PRDM10: variants seen among roughly 807,000 people sequenced by gnomAD.
PRDM10 encodes PR/SET domain 10.
A neutral mutation model predicts 133.1 loss-of-function variants in PRDM10; 65 were observed. The ratio of observed to expected loss-of-function variants is 0.49; its 90% CI spans 0.40 to 0.60. The LOEUF (loss-of-function observed/expected upper bound fraction) is 0.60, where lower values mean the gene tolerates loss of function less well. Ranked by LOEUF, PRDM10 falls within the 20% of genes least tolerant of loss-of-function variation. The pLI is 0.00. For missense variants in PRDM10, 1,137 were observed against 1,507.1 expected (o/e 0.75, Z 4.07); for synonymous variants, 582 against 580.4 (o/e 1.00, Z -0.04).
chr11:129,947,794 C>T lies in PRDM10; in HGVS notation c.295-424G>A, dbSNP rs1203103442. Among the ~76,000 whole-genome samples the T allele has an allele frequency of 1.3e-5, 2 of 152,136 alleles. No homozygotes were observed. Among genetic ancestry groups the T allele is most frequent in the Non-Finnish European group, 2.9e-5 (2 of 68,044 alleles). ...GAGAGGCCTGCCCTGTCTCCCAAGA[C>T]TTCAAATAGGTAAGCAACAGACCGT... On this transcript the variant is annotated intron_variant, in intron 4 of 20. Transcript: ENST00000360871. This position sits in a 1 kb window ranked among gnomAD's most constrained non-coding sequence, Gnocchi z 4.6.
intron 20 of PRDM10, among the ~76,000 whole-genome samples, chr11:129,903,788 C>T (rs534858220): frequency 7.0e-4 from 107 of 152,154 alleles, no homozygotes; most frequent in African/African-American, 2.5e-3. Flanking sequence ...GGTTTTTCCA[C>T]GTGGGGAGGG....
At chr11:129,912,578 C>A (rs371792147) in intron 17 of PRDM10, among the ~76,000 whole-genome samples, 170 of 151,792 alleles carry the variant, frequency 1.1e-3, no homozygotes, top group African/African-American at 3.5e-3. Flanking sequence ...GGTGAAACCC[C>A]GTCTCTACTG....
At chr11:129,998,047 T>C (rs756887184) in intron 1 of PRDM10, among the ~76,000 whole-genome samples, 10 of 152,248 alleles carry the variant, frequency 6.6e-5, no homozygotes, top group African/African-American at 9.6e-5. Context: ...TAATTTAAAA[T>C]GTTCTAGTAT....
chr11:129,899,719 CACAT>C lies in PRDM10; in HGVS notation c.*2590_*2593del, dbSNP rs562152879. ...AAAAAAAATAGCTCTTGTAGCTTCA[CACAT>C]ACAAACATGTTTATTAAAAAATATA... On this transcript the variant is annotated 3_prime_UTR_variant, in exon 21 of 21. Coordinates refer to ENST00000360871, the MANE Select transcript of PRDM10 (RefSeq NM_199437.2). The C allele has an allele frequency of 3.3e-5, 5 of 152,578 alleles. No individual in the cohort carries two copies. In the South Asian group the frequency reaches 1.0e-3, roughly 32 times the overall value. 9.5% of individuals were successfully genotyped at this position (152,578 alleles called of 1,614,324 possible). A position where few individuals can be genotyped will look rare whatever the true frequency, so the allele number is the denominator to read the frequency against.
intron 9 of PRDM10, among the ~76,000 whole-genome samples, chr11:129,933,850 C>T (rs1044796996): frequency 2.0e-5 from 3 of 152,180 alleles, no homozygotes; most frequent in Admixed American, 2.0e-4. Flanking sequence ...GACCCTGTCA[C>T]CCTTGTAAGC....
At chr11:129,991,215 G>A (rs1283454347) in intron 1 of PRDM10, among the ~76,000 whole-genome samples, 1 of 152,152 alleles carries the variant, frequency 6.6e-6, no homozygotes, top group Middle Eastern at 3.2e-3. Flanking sequence ...TCATGAAGGT[G>A]TCTCATCCAG....
At chr11:129,949,762 C>T (rs375286299) in intron 4 of PRDM10, among the ~76,000 whole-genome samples, 1 of 151,964 alleles carries the variant, frequency 6.6e-6, no homozygotes, top group African/African-American at 2.4e-5. Flanking sequence ...GAAACCCTGT[C>T]TCTACTAAAA....
chr11:129,961,908 G>A (rs1023435764), intron 1 of PRDM10, among the ~76,000 whole-genome samples: 2 of 152,072 alleles, frequency 1.3e-5, no homozygotes, highest in Non-Finnish European at 2.9e-5. Flanking sequence ...TAGTTGTCGT[G>A]AGGAGAATGA....
intron 4 of PRDM10, among the ~76,000 whole-genome samples, chr11:129,953,966 C>T (rs1008769186): frequency 1.4e-5 from 2 of 147,162 alleles, no homozygotes; most frequent in African/African-American, 2.5e-5. Flanking sequence ...TAAGTATTTA[C>T]AGAAATGAGG....
intron 1 of PRDM10, among the ~76,000 whole-genome samples, chr11:129,982,452 C>T (rs1392290940): frequency 2.0e-5 from 3 of 151,774 alleles, no homozygotes; most frequent in East Asian, 2.0e-4. Flanking sequence ...TTAGTAGAGA[C>T]GAGGTTTCGC....
Position 129,969,901 on chromosome 11 carries a change from C to CTT in PRDM10, c.-118-8821_-118-8820dup, listed in dbSNP as rs369933763. 3.4e-3 allele frequency among the ~76,000 whole-genome samples: 513 copies of CTT among 152,232 alleles called. 2 individuals carry two copies. The highest frequency in any genetic ancestry group is 0.012 in the African/African-American group (479 of 41,530). On this transcript the variant is annotated intron_variant, in intron 1 of 20. Coordinates refer to ENST00000360871, the MANE Select transcript of PRDM10 (RefSeq NM_199437.2). Reference sequence around the variant, plus strand: ...AGAAAACACACCTTCTAAACTCATACTTAAGATTAGATTCTACCTGGTAAC... The same window carrying CTT: ...AGAAAACACACCTTCTAAACTCATACTTTTAAGATTAGATTCTACCTGGTAAC...
rs1335851068 is a variant in PRDM10, at chr11:129,918,422, T to A, written c.2214+117A>T. On this transcript the variant is annotated intron_variant, in intron 14 of 20. Transcript: ENST00000360871. This position sits in a 1 kb window ranked among gnomAD's most constrained non-coding sequence, Gnocchi z 5.3. The stretch of plus-strand genomic sequence containing the variant: ...TTGCCTCTGTTTCTTCCCCTGGACA[T>A]TGACAAAACCATTGATCGATATAAC... 2 of 1,261,436 alleles carry A rather than the reference T, an allele frequency of 1.6e-6. No homozygotes were observed. Among genetic ancestry groups the A allele is most frequent in the Admixed American group, 5.9e-5 (2 of 34,006 alleles). 78.1% of individuals were successfully genotyped at this position (1,261,436 alleles called of 1,614,324 possible).
chr11:129,999,074 T>C (rs111366667), intron 1 of PRDM10, among the ~76,000 whole-genome samples: 1,969 of 152,210 alleles, frequency 0.013, 22 homozygotes, highest in Non-Finnish European at 0.02. Flanking sequence ...CTGCCTGCCT[T>C]GGCCTCCCAG....
At chr11:129,926,775 C>G (rs1202176301) in intron 11 of PRDM10, among the ~76,000 whole-genome samples, 1 of 152,156 alleles carries the variant, frequency 6.6e-6, no homozygotes, top group Admixed American at 6.5e-5. Context: ...TCCTTTGTAT[C>G]CAGATCCCTT....
intron 3 of PRDM10, among the ~76,000 whole-genome samples, chr11:129,956,594 A>G (rs977475130): frequency 3.3e-4 from 50 of 152,162 alleles, no homozygotes; most frequent in African/African-American, 1.2e-3. Context: ...AAACAAAATA[A>G]AAATTATCCA....
Position 129,937,691 on chromosome 11 carries a change from A to G in PRDM10, c.967-21T>C, listed in dbSNP as rs758548537. On this transcript the variant is annotated intron_variant, in intron 7 of 20. Transcript: ENST00000360871. ...CACACCTGCAAGAAGCAAGTATATC[A>G]TCAAGAACTGGGGACATCACCAGAT... 11 of 1,604,564 alleles carry G rather than the reference A, an allele frequency of 6.9e-6. No individual in the cohort carries two copies. In the African/African-American group the frequency reaches 8.0e-5, roughly 12 times the overall value.
rs59217112 is a variant in PRDM10, at chr11:129,990,522, C to CAAAAAAAAAAAAAAAAAAAA, written c.-119+12180_-119+12199dup. On this transcript the variant is annotated intron_variant, in intron 1 of 20. Transcript: ENST00000360871. ...GGGTGACAAAGTGAGACTTTGTCTCCAAAAAAAAAAAAAAAAAAAAAAAGC... is the reference window on the plus strand; with the variant it reads ...GGGTGACAAAGTGAGACTTTGTCTCCAAAAAAAAAAAAAAAAAAAAAAAAAAAAAAAAAAAAAAAAAAAGC... 3.0e-5 allele frequency among the ~76,000 whole-genome samples: 2 copies of CAAAAAAAAAAAAAAAAAAAA among 67,084 alleles called. 1 individual carries two copies. 44.0% of individuals were successfully genotyped at this position (67,084 alleles called of 152,430 possible).
chr11:129,905,606 C>G (rs200782752), intron 20 of PRDM10, 32 bp downstream of exon 20: 3 of 1,547,140 alleles, frequency 1.9e-6, no homozygotes, highest in Non-Finnish European at 2.7e-6. Flanking sequence ...ACAGGTTGGA[C>G]AGGAAAAACC....
At chr11:129,908,976 C>T (rs1038063689) in intron 19 of PRDM10, among the ~76,000 whole-genome samples, 3 of 151,616 alleles carry the variant, frequency 2.0e-5, no homozygotes, top group Admixed American at 1.3e-4. Context: ...GTGATCCGCC[C>T]ACCTCGGCCT....
Sources: gnomAD v4.1 joint callset for allele counts (sites outside exome capture counted in the v4.1 genomes callset) on GRCh38, gnomAD v4.1.1 for gene constraint, Gnocchi (gnomAD v3.1) non-coding constraint, MANE v1.5 for transcripts, NCBI Gene and HGNC (gene_info 2026-07-23, HGNC 2026-07-21) for gene names.